EFCAB8: variants seen among roughly 807,000 people sequenced by gnomAD.
EFCAB8 encodes EF-hand calcium-binding domain-containing protein 8.
A neutral mutation model predicts 116.3 loss-of-function variants in EFCAB8; 100 were observed. The ratio of observed to expected loss-of-function variants is 0.86; its 90% CI spans 0.73 to 1.02. EFCAB8 has a LOEUF of 1.02. Ranked by LOEUF, EFCAB8 falls within the 50% of genes least tolerant of loss-of-function variation. The probability of loss-of-function intolerance (pLI) is 0.00; values close to 1 mark genes in which losing one functional copy is unlikely to be tolerated. For synonymous variants in EFCAB8, 558 were observed against 567.9 expected (o/e 0.98, Z 0.25); for missense variants, 1,320 against 1,416.9 (o/e 0.93, Z 1.10).
intron 6 of EFCAB8, among the ~76,000 whole-genome samples, chr20:32,886,921 T>C (rs568752483): frequency 6.6e-6 from 1 of 152,236 alleles, no homozygotes; most frequent in South Asian, 2.1e-4. Flanking sequence ...TGGGTGCAGG[T>C]CACTGAAACT....
rs57620114 is a variant in EFCAB8, at chr20:32,875,502, G to GTTTTTTTTTTTTTTTTTTTTTTTTTT, written c.209-406_209-405insTTTTTTTTTTTTTTTTTTTTTTTTTT. Among the ~76,000 whole-genome samples the GTTTTTTTTTTTTTTTTTTTTTTTTTT allele has an allele frequency of 9.7e-4, 87 of 89,872 alleles. 15 individuals carry two copies. The highest frequency in any genetic ancestry group is 1.1e-3 in the Non-Finnish European group (44 of 38,718). 59.0% of individuals were successfully genotyped at this position (89,872 alleles called of 152,430 possible). ...CTGAGCACACCTGGTAAACATGGTG[G>GTTTTTTTTTTTTTTTTTTTTTTTTTT]TTTTTTTTTTTTTTTTTTGAGACAG... On this transcript the variant is annotated intron_variant, in intron 3 of 26. Coordinates refer to ENST00000400522, the MANE Select transcript of EFCAB8 (RefSeq NM_001143967.2).
intron 6 of EFCAB8, 111 bp downstream of exon 6, chr20:32,885,751 C>T: frequency 7.3e-7 from 1 of 1,361,768 alleles, no homozygotes; most frequent in Non-Finnish European, 9.9e-7. Flanking sequence ...GTCTAAGCAG[C>T]CTGGACTTGC....
In EFCAB8 at chr20:32,908,328, GA is replaced by G. The variant is rs1986772723; in HGVS notation, c.1364del (p.Lys455SerfsTer32). 3 of 1,249,822 alleles carry G rather than the reference GA, an allele frequency of 2.4e-6. No individual in the cohort carries two copies. In the African/African-American group the frequency reaches 4.7e-5, roughly 19 times the overall value. The allele number at this position is 1,249,822 out of a possible 1,614,324, so 77.4% of individuals were successfully genotyped here. On this transcript the variant is annotated frameshift_variant, in exon 14 of 27. Coordinates refer to ENST00000400522, the MANE Select transcript of EFCAB8 (RefSeq NM_001143967.2). LOFTEE classifies it high-confidence loss of function. ...DYICLQSFCG[K>X]FFALGNCPIT... ...ACATATGCCTCCAGTCCTTCTGTGG[GA>G]AGTTTTTTGCTCTGGGAAACTGCCC...
intron 20 of EFCAB8, among the ~76,000 whole-genome samples, chr20:32,927,266 T>C (rs990763917): frequency 4.6e-5 from 7 of 152,212 alleles, no homozygotes; most frequent in African/African-American, 1.4e-4. Flanking sequence ...TTGAGCTTCA[T>C]GAACTTCACG....
rs370686940 is a variant in EFCAB8, at chr20:32,888,070, C to CTT, written c.568-1221_568-1220dup. Among the ~76,000 whole-genome samples, 728 of 146,988 alleles carry CTT rather than the reference C, an allele frequency of 5.0e-3. 5 individuals are homozygous for CTT. The highest frequency in any genetic ancestry group is 0.017 in the African/African-American group (682 of 40,192). On this transcript the variant is annotated intron_variant, in intron 6 of 26. Coordinates refer to ENST00000400522, the MANE Select transcript of EFCAB8 (RefSeq NM_001143967.2). ...CTCTCTACATATCCCCCTTTTCTTTCTTTTTTTTTTTGAGACTGGGTCTTG... is the reference window on the plus strand; with the variant it reads ...CTCTCTACATATCCCCCTTTTCTTTCTTTTTTTTTTTTTGAGACTGGGTCTTG...
chr20:32,934,805 T>A (rs1447911755), intron 22 of EFCAB8, among the ~76,000 whole-genome samples: 1 of 152,216 alleles, frequency 6.6e-6, no homozygotes, highest in Non-Finnish European at 1.5e-5. Context: ...CTGCCATGAT[T>A]GTGAGGCCTC....
At position 32,879,570 on chromosome 20, in the gene EFCAB8, G is replaced by A. The variant is rs13041458; in HGVS notation, c.431+763G>A. Among the ~76,000 whole-genome samples, 6 of 151,924 alleles carry A rather than the reference G, an allele frequency of 3.9e-5. No homozygotes were observed. The East Asian group carries it at 1.2e-3, about 29-fold the overall frequency. ...AGTTTTACATGACACGGGAGCCTCT[G>A]TAGGAAATGAAGCCCCTAAGAAACA... On this transcript the variant is annotated intron_variant, in intron 5 of 26. Coordinates refer to ENST00000400522, the MANE Select transcript of EFCAB8 (RefSeq NM_001143967.2).
intron 14 of EFCAB8, among the ~76,000 whole-genome samples, chr20:32,908,750 A>ATGAGCCTCATAACTC (rs1369514155): frequency 2.0e-5 from 3 of 152,150 alleles, no homozygotes; most frequent in African/African-American, 7.2e-5. Flanking sequence ...TGTCTCAGTC[A>ATGAGCCTCATAACTC]TGAGCCTCAT....
At position 32,918,557 on chromosome 20, in the gene EFCAB8, A is replaced by T. The variant is rs763275158; in HGVS notation, c.2257A>T (p.Arg753Trp). 6.4e-7 allele frequency: 1 copy of T among 1,551,602 alleles called. No individual in the cohort carries two copies. The highest frequency in any genetic ancestry group is 8.7e-7 in the Non-Finnish European group (1 of 1,146,954). Residue 753 changes from arginine (R) to tryptophan (W), a missense_variant, in exon 19 of 27, where the codon AGG (arginine) becomes TGG (tryptophan). Physicochemically the swap from Arg to Trp is moderately radical, Grantham distance 101. Transcript: ENST00000400522. ...MRCPRDKEPD[R>W]PVPQQKPSSA... is the part of the protein sequence containing the mutation. ...GTGCCCGAGAGACAAGGAGCCAGAC[A>T]GGCCTGTGCCCCAGCAGGTGGGAGC...
At chr20:32,861,124 C>T (rs1444850457) in intron 1 of EFCAB8, among the ~76,000 whole-genome samples, 1 of 152,140 alleles carries the variant, frequency 6.6e-6, no homozygotes, top group Non-Finnish European at 1.5e-5. Flanking sequence ...TGGGTGACGT[C>T]CTAGGTGCAG....
chr20:32,896,304 G>A (rs577694165), intron 9 of EFCAB8, 150 bp from the exon 10 acceptor site: 2 of 624,448 alleles, frequency 3.2e-6, no homozygotes, highest in South Asian at 3.9e-5. Context: ...AGCTCACCAG[G>A]ACACAGTGAG....
At chr20:32,934,826 T>A (rs1600446749) in intron 22 of EFCAB8, among the ~76,000 whole-genome samples, 1 of 152,228 alleles carries the variant, frequency 6.6e-6, no homozygotes, top group Non-Finnish European at 1.5e-5. Flanking sequence ...CCCAGCCATG[T>A]GGAACTGTGA....
chr20:32,947,732 A>G (rs890676605), intron 23 of EFCAB8, among the ~76,000 whole-genome samples: 6 of 152,118 alleles, frequency 3.9e-5, no homozygotes, highest in African/African-American at 1.4e-4. Context: ...GTAGCACTAA[A>G]TGCCTATATT....
chr20:32,860,024 G>A (rs1443763177), intron 1 of EFCAB8, among the ~76,000 whole-genome samples: 5 of 152,042 alleles, frequency 3.3e-5, no homozygotes, highest in Non-Finnish European at 2.9e-5. Flanking sequence ...TTTTATTTTG[G>A]CCAGGCGCGG....
At chr20:32,907,113 C>T in intron 13 of EFCAB8, 119 bp downstream of exon 13, 2 of 1,422,562 alleles carry the variant, frequency 1.4e-6, no homozygotes, top group Non-Finnish European at 1.8e-6. Context: ...GCAGGAGGGG[C>T]CCCGGGTGGG....
chr20:32,960,120 T>C lies in EFCAB8; in HGVS notation c.3352T>C (p.Phe1118Leu), dbSNP rs1403173026. 2 of 1,551,600 alleles carry C rather than the reference T, an allele frequency of 1.3e-6. No homozygotes were observed. The highest frequency in any genetic ancestry group is 2.7e-5 in the African/African-American group (2 of 73,046). The change falls in exon 26 of 27, where the codon TTC becomes CTC. Residue 1118 changes from phenylalanine to leucine, a missense_variant. Transcript: ENST00000400522. Reference protein sequence around the residue: ...KPKERLQNTRFLSTRVPYGWM... With the variant: ...KPKERLQNTRLLSTRVPYGWM... ...CAAGGAACGCTTGCAGAATACCAGG[T>C]TCCTGTCCACCAGGGTGCCATATGG... is the stretch of plus-strand genomic sequence containing the variant.
chr20:32,893,305 A>T lies in EFCAB8; in HGVS notation c.883+7A>T. 1 of 1,551,624 alleles carries T rather than the reference A, an allele frequency of 6.4e-7. No homozygotes were observed. On this transcript the variant is annotated splice_region_variant and intron_variant, in intron 9 of 26. Coordinates refer to ENST00000400522, the MANE Select transcript of EFCAB8 (RefSeq NM_001143967.2). ...CCCAGGGCCTCCAAGTGGGGTAGCTAAGATGCTGGGGAAGGGGGCAGAGGC... is the reference window on the plus strand; with the variant it reads ...CCCAGGGCCTCCAAGTGGGGTAGCTTAGATGCTGGGGAAGGGGGCAGAGGC...
At position 32,930,143 on chromosome 20, in the gene EFCAB8, C is replaced by T. The variant is rs140872070; in HGVS notation, c.2413-255C>T. 1.4e-4 allele frequency among the ~76,000 whole-genome samples: 21 copies of T among 152,296 alleles called. No homozygotes were observed. The East Asian group carries it at 3.9e-3, about 28-fold the overall frequency. On this transcript the variant is annotated intron_variant, in intron 20 of 26. Coordinates refer to ENST00000400522, the MANE Select transcript of EFCAB8 (RefSeq NM_001143967.2). ...CATTTATTGATCATGTATTATGTGT[C>T]AGGCACCATTGTGGTTACTAAGGAC... is the stretch of plus-strand genomic sequence containing the variant.
At chr20:32,934,279 A>AT (rs1555867806) in intron 22 of EFCAB8, among the ~76,000 whole-genome samples, 5,078 of 142,226 alleles carry the variant, frequency 0.036, 309 homozygotes, top group African/African-American at 0.12. Context: ...AAATGACAGG[A>AT]TTTTTTTTCT....
Sources: allele counts gnomAD v4.1 joint callset (sites outside exome capture counted in the v4.1 genomes callset), GRCh38; gene constraint gnomAD v4.1.1; transcripts MANE v1.5; gene names NCBI Gene and HGNC (gene_info 2026-07-23, HGNC 2026-07-21).